Variants in SRD5A2 observed in about 807,000 individuals in gnomAD.
SRD5A2 encodes 3-oxo-5-alpha-steroid 4-dehydrogenase 2.
SRD5A2 carries 30 observed loss-of-function variants against 27.4 expected under a neutral mutation model. That is an observed-to-expected ratio of 1.10 (90% CI 0.82 to 1.49). The LOEUF (loss-of-function observed/expected upper bound fraction) is 1.49, where lower values mean the gene tolerates loss of function less well. SRD5A2 is among the 40% of genes most tolerant of loss of function. The probability of loss-of-function intolerance (pLI) is 0.00; values close to 1 mark genes in which losing one functional copy is unlikely to be tolerated. For missense variants in SRD5A2, 348 were observed against 323.4 expected (o/e 1.08, Z -0.58); for synonymous variants, 141 against 133.6 (o/e 1.06, Z -0.38).
chr2:31,571,138 T>A (rs556962698), intron 1 of SRD5A2, among the ~76,000 whole-genome samples: 1 of 152,294 alleles, frequency 6.6e-6, no homozygotes, highest in Non-Finnish European at 1.5e-5. Context: ...AAGGCTACAG[T>A]AACCAAAACA....
In SRD5A2 at chr2:31,580,640, G is replaced by T; in HGVS notation, c.261C>A (p.Phe87Leu). Residue 87 changes from phenylalanine to leucine, a missense_variant, in exon 1 of 5, where the codon TTC becomes TTA. Transcript: ENST00000622030. ...GPPGTVLLGL[F>L]CLHYFHRTFV... Reference sequence around the variant, plus strand: ...GCTACCTGTGGAAGTAATGTAGGCAGAAGAGGCCCAGAAGTACCGTCCCAG... The same window carrying T: ...GCTACCTGTGGAAGTAATGTAGGCATAAGAGGCCCAGAAGTACCGTCCCAG... 1 of 1,582,302 alleles carries T rather than the reference G, an allele frequency of 6.3e-7. No individual in the cohort carries two copies. The highest frequency in any genetic ancestry group is 2.3e-5 in the East Asian group (1 of 44,238).
chr2:31,526,266 A>C lies in SRD5A2; in HGVS notation c.699-4T>G. 1 of 1,557,994 alleles carries C rather than the reference A, an allele frequency of 6.4e-7. No homozygotes were observed. The highest frequency in any genetic ancestry group is 1.2e-5 in the South Asian group (1 of 85,204). On this transcript the variant is annotated splice_polypyrimidine_tract_variant and splice_region_variant and intron_variant, in intron 4 of 4. Coordinates refer to ENST00000622030, the MANE Select transcript of SRD5A2 (RefSeq NM_000348.4). The stretch of plus-strand genomic sequence containing the variant: ...CTCAAACATCTTGAGGTAGAACCTA[A>C]AAGACAAGAAAGGAATAATTGTAAA...
rs1442251164 is a variant in SRD5A2, at chr2:31,580,935, C to T, written c.-35G>A. 3.2e-6 allele frequency: 5 copies of T among 1,573,458 alleles called. No individual in the cohort carries two copies. Among genetic ancestry groups the T allele is most frequent in the Non-Finnish European group, 4.3e-6 (5 of 1,158,984 alleles). ...TTCCTCGCCGGTGGCCGCTGCCCTC[C>T]CAGAAGAGAGCGCGGCCCCCGCAAC... On this transcript the variant is annotated 5_prime_UTR_variant, in exon 1 of 5. Transcript: ENST00000622030.
chr2:31,654,776 A>T, the SRD5A2 span, among the ~76,000 whole-genome samples: 27 of 152,282 alleles, frequency 1.8e-4, no homozygotes, highest in African/African-American at 6.0e-4. Flanking sequence ...TATCAGGCAC[A>T]CCCACCATAT....
the SRD5A2 span, among the ~76,000 whole-genome samples, chr2:31,586,155 G>A: frequency 6.6e-6 from 1 of 152,116 alleles, no homozygotes; most frequent in Non-Finnish European, 1.5e-5. Context: ...CCCAAGCGGT[G>A]TACGCCGTAC....
chr2:31,597,885 G>T, the SRD5A2 span, among the ~76,000 whole-genome samples: 1 of 152,060 alleles, frequency 6.6e-6, no homozygotes, highest in South Asian at 2.1e-4. Flanking sequence ...ACTGTGGAAA[G>T]CAGTATGGAG....
At chr2:31,557,291 C>T (rs1417988519) in intron 1 of SRD5A2, among the ~76,000 whole-genome samples, 1 of 152,172 alleles carries the variant, frequency 6.6e-6, no homozygotes, top group Admixed American at 6.5e-5. Flanking sequence ...TAAGGGTTCC[C>T]CCAGATGATT....
the SRD5A2 span, among the ~76,000 whole-genome samples, chr2:31,611,845 A>C: frequency 3.3e-5 from 5 of 152,218 alleles, no homozygotes; most frequent in African/African-American, 1.2e-4. Context: ...TTCCAAAAAA[A>C]GACTTGTACG....
chr2:31,584,903 G>T (rs939505645), upstream of SRD5A2, among the ~76,000 whole-genome samples: 109 of 152,348 alleles, frequency 7.2e-4, no homozygotes, highest in African/African-American at 2.5e-3. Context: ...GCACTGAAAA[G>T]GTTGCAGAAG....
At chr2:31,574,814 T>G (rs1666923252) in intron 1 of SRD5A2, among the ~76,000 whole-genome samples, 1 of 152,220 alleles carries the variant, frequency 6.6e-6, no homozygotes, top group African/African-American at 2.4e-5. Flanking sequence ...ATAGTTTTCT[T>G]TAGAAGGGAT....
At chr2:31,605,251 G>T in the SRD5A2 span, among the ~76,000 whole-genome samples, 10 of 151,698 alleles carry the variant, frequency 6.6e-5, no homozygotes, top group Admixed American at 6.6e-4. Context: ...AGATTTCTTG[G>T]GTACTACCCA....
Position 31,548,329 on chromosome 2 carries a change from T to G in SRD5A2, c.282-14563A>C, listed in dbSNP as rs74900178. Among the ~76,000 whole-genome samples the G allele has an allele frequency of 1.3e-3, 205 of 152,222 alleles. 6 individuals are homozygous for G. In the East Asian group the frequency reaches 0.038, roughly 28 times the overall value. On this transcript the variant is annotated intron_variant, in intron 1 of 4. Transcript: ENST00000622030. ...GCAACCCACAGAATGGGAGAAAGTA[T>G]TTGCAAAGCATATATCTGACAAGAG... is the stretch of plus-strand genomic sequence containing the variant.
At position 31,522,613 on chromosome 2, in the gene SRD5A2, A is replaced by G. The variant is rs1665680722; in HGVS notation, c.*3583T>C. The G allele has an allele frequency of 4.7e-6, 1 of 213,780 alleles. No individual in the cohort carries two copies. The highest frequency in any genetic ancestry group is 9.5e-6 in the Non-Finnish European group (1 of 105,788). The allele number at this position is 213,780 out of a possible 1,614,324, so 13.2% of individuals were successfully genotyped here. ...AGATCACAACTCCATGGACTTGTAC[A>G]AAGAATAAACAAATGTCTTACTTAG... On this transcript the variant is annotated 3_prime_UTR_variant, in exon 5 of 5. Coordinates refer to ENST00000622030, the MANE Select transcript of SRD5A2 (RefSeq NM_000348.4).
chr2:31,600,502 T>C, the SRD5A2 span, among the ~76,000 whole-genome samples: 6 of 152,040 alleles, frequency 3.9e-5, no homozygotes, highest in Admixed American at 2.0e-4. Context: ...GCATCTGTTA[T>C]TTTTTGACTT....
At chr2:31,640,658 G>T in the SRD5A2 span, among the ~76,000 whole-genome samples, 1 of 152,102 alleles carries the variant, frequency 6.6e-6, no homozygotes, top group African/African-American at 2.4e-5. Flanking sequence ...CTGACCAGGG[G>T]TTCATGTTCA....
At chr2:31,578,474 C>T (rs909840385) in intron 1 of SRD5A2, among the ~76,000 whole-genome samples, 5 of 152,100 alleles carry the variant, frequency 3.3e-5, no homozygotes. Context: ...GGCGTGCCTA[C>T]CTAAATGGGT....
At chr2:31,660,369 T>C in the SRD5A2 span, among the ~76,000 whole-genome samples, 2 of 152,112 alleles carry the variant, frequency 1.3e-5, no homozygotes, top group African/African-American at 2.4e-5. Flanking sequence ...AAATTACCGA[T>C]GCATTTACCT....
chr2:31,627,722 T>C, the SRD5A2 span, among the ~76,000 whole-genome samples: 2 of 152,202 alleles, frequency 1.3e-5, no homozygotes, highest in Non-Finnish European at 2.9e-5. Context: ...AATTTCATTA[T>C]TTACCTAGAA....
chr2:31,583,833 C>T (rs1164081585), upstream of SRD5A2, among the ~76,000 whole-genome samples: 1 of 151,852 alleles, frequency 6.6e-6, no homozygotes. Flanking sequence ...ATCGACAGAT[C>T]CCTACAAACA....
Sources: gnomAD v4.1 joint callset for allele counts (sites outside exome capture counted in the v4.1 genomes callset) on GRCh38, gnomAD v4.1.1 for gene constraint, MANE v1.5 for transcripts, NCBI Gene and HGNC (gene_info 2026-07-23, HGNC 2026-07-21) for gene names.